Variants in CWC27 observed in about 807,000 individuals in gnomAD.
CWC27 encodes the protein CWC27 spliceosome associated cyclophilin.
In CWC27, 47 loss-of-function variants were observed where a neutral mutation model predicts 63.6. The ratio of observed to expected loss-of-function variants is 0.74; its 90% CI spans 0.58 to 0.94. CWC27 has a LOEUF of 0.94. CWC27 is among the 40% of genes least tolerant of loss of function. The probability of loss-of-function intolerance (pLI) is 0.00; values close to 1 mark genes in which losing one functional copy is unlikely to be tolerated. For synonymous variants in CWC27, 175 were observed against 179.8 expected, an observed-to-expected ratio of 0.97 and a Z score of 0.22; for missense variants, 495 against 554.3, an observed-to-expected ratio of 0.89 and a Z score of 1.07.
intron 10 of CWC27, among the ~76,000 whole-genome samples, chr5:64,829,384 T>A (rs1455509585): frequency 6.6e-6 from 1 of 152,156 alleles, no homozygotes; most frequent in Non-Finnish European, 1.5e-5. Flanking sequence ...CTATAATTGA[T>A]GTTAATTTTT....
intron 11 of CWC27, among the ~76,000 whole-genome samples, chr5:64,960,739 G>A (rs1332698013): frequency 2.0e-5 from 3 of 151,842 alleles, no homozygotes; most frequent in African/African-American, 4.8e-5. Context: ...TCATTTATAA[G>A]CAGGCTTATT....
chr5:64,910,000 T>C (rs7735173), intron 11 of CWC27, among the ~76,000 whole-genome samples: 74 of 152,246 alleles, frequency 4.9e-4, no homozygotes, highest in African/African-American at 1.8e-3. Flanking sequence ...CTTTGGAGGA[T>C]AAGAGGCACT....
intron 11 of CWC27, among the ~76,000 whole-genome samples, chr5:64,940,855 T>TTTTTTTTTTTTTTTTTTTTTTTTC (rs1748462553): frequency 7.0e-6 from 1 of 143,210 alleles, no homozygotes; most frequent in Non-Finnish European, 1.5e-5. Flanking sequence ...TTTTTTTTTT[T>TTTTTTTTTTTTTTTTTTTTTTTTC]TTTTTTTTTT....
At chr5:64,861,791 A>G (rs76530085) in intron 10 of CWC27, among the ~76,000 whole-genome samples, 4,178 of 152,254 alleles carry the variant, frequency 0.027, 201 homozygotes, top group African/African-American at 0.095. Context: ...GCTGCCTTAC[A>G]TTATACTTCC....
At chr5:65,017,867 T>A (rs1750076944) in intron 13 of CWC27, among the ~76,000 whole-genome samples, 1 of 152,256 alleles carries the variant, frequency 6.6e-6, no homozygotes, top group African/African-American at 2.4e-5. Context: ...GAGGAACACT[T>A]CTGTATAGAA....
rs116554743 is a variant in CWC27 at position 64,924,900 on chromosome 5, C to T, written c.1042+39354C>T. Reference sequence around the variant, plus strand: ...AGTGGTAGTTATTATTTTTATATACCGAAAGAAACTAACCAAAGTTATTTT... The same window carrying T: ...AGTGGTAGTTATTATTTTTATATACTGAAAGAAACTAACCAAAGTTATTTT... On this transcript the variant is annotated intron_variant, in intron 11 of 13. Coordinates refer to ENST00000381070, the MANE Select transcript of CWC27 (RefSeq NM_005869.4). Among the ~76,000 whole-genome samples, 819 of 151,016 alleles carry T rather than the reference C, an allele frequency of 5.4e-3. 7 individuals are homozygous for T. Among genetic ancestry groups the T allele is most frequent in the African/African-American group, 0.018 (753 of 41,088 alleles).
chr5:64,856,952 T>C (rs1580678242), intron 10 of CWC27, among the ~76,000 whole-genome samples: 2 of 152,192 alleles, frequency 1.3e-5, no homozygotes, highest in African/African-American at 2.4e-5. Flanking sequence ...AGTTATGCTG[T>C]TGAAAATCTT....
At chr5:64,875,505 A>T (rs1304964496) in intron 10 of CWC27, among the ~76,000 whole-genome samples, 1 of 152,136 alleles carries the variant, frequency 6.6e-6, no homozygotes, top group African/African-American at 2.4e-5. Context: ...AGAATTTCTA[A>T]GTATGTATGC....
intron 1 of CWC27, among the ~76,000 whole-genome samples, chr5:64,772,809 T>C (rs555013705): frequency 2.7e-5 from 4 of 149,728 alleles, no homozygotes; most frequent in African/African-American, 7.4e-5. Context: ...TGGCGGTGGG[T>C]GCCTGTAGTC....
At chr5:64,931,810 C>T (rs922728145) in intron 11 of CWC27, among the ~76,000 whole-genome samples, 5 of 151,906 alleles carry the variant, frequency 3.3e-5, no homozygotes, top group African/African-American at 1.2e-4. Flanking sequence ...GTTTTTTTAT[C>T]ATTATGCTTT....
rs926339649 is a variant in CWC27, at chr5:64,921,035, G to A, written c.1042+35489G>A. Reference sequence around the variant, plus strand: ...CTTGTTTCTCTAGGTACAATGTTACGTTATGAATTTGAGATCTTTCTAACT... The same window carrying A: ...CTTGTTTCTCTAGGTACAATGTTACATTATGAATTTGAGATCTTTCTAACT... On this transcript the variant is annotated intron_variant, in intron 11 of 13. Transcript: ENST00000381070. 9.9e-5 allele frequency among the ~76,000 whole-genome samples: 15 copies of A among 152,038 alleles called. 1 individual carries two copies. In the South Asian group the frequency reaches 2.7e-3, roughly 27 times the overall value.
At chr5:64,906,309 C>T (rs1254758844) in intron 11 of CWC27, among the ~76,000 whole-genome samples, 7 of 152,192 alleles carry the variant, frequency 4.6e-5, no homozygotes, top group African/African-American at 9.7e-5. Context: ...ATTCCTATTT[C>T]TCCACATCCT....
chr5:64,938,197 T>C (rs1398267660), intron 11 of CWC27, among the ~76,000 whole-genome samples: 1 of 152,138 alleles, frequency 6.6e-6, no homozygotes, highest in Non-Finnish European at 1.5e-5. Flanking sequence ...ATCTTCATAG[T>C]GTCGATGGTC....
intron 10 of CWC27, among the ~76,000 whole-genome samples, chr5:64,842,914 TA>T (rs1745883134): frequency 6.6e-6 from 1 of 152,224 alleles, no homozygotes; most frequent in African/African-American, 2.4e-5. Context: ...TTTCAAGTTC[TA>T]ATTGTTTCTC....
At chr5:64,956,631 C>T (rs187400237) in intron 11 of CWC27, among the ~76,000 whole-genome samples, 51 of 152,232 alleles carry the variant, frequency 3.4e-4, no homozygotes, top group African/African-American at 1.2e-3. Context: ...ATGTCTTACC[C>T]TTTGTCCAGT....
intron 12 of CWC27, among the ~76,000 whole-genome samples, chr5:64,974,178 T>C (rs770989049): frequency 5.3e-5 from 8 of 151,760 alleles, no homozygotes; most frequent in Non-Finnish European, 8.8e-5. Context: ...GTCGACGCTG[T>C]AGTGAGCCAT....
intron 10 of CWC27, among the ~76,000 whole-genome samples, chr5:64,846,067 G>A (rs1745969059): frequency 6.6e-6 from 1 of 152,194 alleles, no homozygotes; most frequent in Admixed American, 6.5e-5. Flanking sequence ...GGAGAGAGTG[G>A]CATAATATAA....
Position 64,781,970 on chromosome 5 carries a change from C to G in CWC27, c.189C>G (p.Val63=), listed in dbSNP as rs1443869672. ...ATAGAGTTGTGCCTGGTTTCATAGT[C>G]CAAGGCGGAGATCCTACTGGCACAG... The part of the protein sequence containing the change: ...IFHRVVPGFI[V]QGGDPTGTGS... Residue 63 remains valine, a synonymous_variant, in exon 3 of 14, where the codon GTC becomes GTG. Coordinates refer to ENST00000381070, the MANE Select transcript of CWC27 (RefSeq NM_005869.4). 1.2e-6 allele frequency: 2 copies of G among 1,603,908 alleles called. No individual in the cohort carries two copies. Among genetic ancestry groups the G allele is most frequent in the African/African-American group, 2.7e-5 (2 of 74,720 alleles).
At chr5:65,007,010 GAAAGA>G (rs1373025407) in intron 13 of CWC27, among the ~76,000 whole-genome samples, 6 of 138,526 alleles carry the variant, frequency 4.3e-5, no homozygotes, top group East Asian at 2.2e-4. Flanking sequence ...AAGAAAGAAA[GAAAGA>G]AAGAAAGAAA....
Sources: allele counts gnomAD v4.1 joint callset (sites outside exome capture counted in the v4.1 genomes callset), GRCh38; gene constraint gnomAD v4.1.1; transcripts MANE v1.5; gene names NCBI Gene and HGNC (gene_info 2026-07-23, HGNC 2026-07-21).